The following ARHGEF38 variants were observed in gnomAD, a reference collection of about 807,000 sequenced individuals.
ARHGEF38 encodes the protein Rho guanine nucleotide exchange factor 38, also known as Rho guanine nucleotide exchange factor (GEF) 38.
In ARHGEF38, 79 loss-of-function variants were observed where a neutral mutation model predicts 79.9. That is an observed-to-expected ratio of 0.99 (90% CI 0.82 to 1.19). The LOEUF is 1.19. Ranked by LOEUF, ARHGEF38 falls within the 50% of genes most tolerant of loss-of-function variation. The pLI is 0.00. For missense variants in ARHGEF38, 962 were observed against 907.2 expected, an observed-to-expected ratio of 1.06 and a Z score of -0.78; for synonymous variants, 366 against 328.3, an observed-to-expected ratio of 1.11 and a Z score of -1.24.
At position 105,647,158 on chromosome 4, in the gene ARHGEF38, A is replaced by G. The variant is rs983861917; in HGVS notation, c.875-1391A>G. On this transcript the variant is annotated intron_variant, in intron 6 of 13. Coordinates refer to ENST00000420470, the MANE Select transcript of ARHGEF38 (RefSeq NM_001242729.2). ...TTATATTTTTCTGTTTGCTTAAACT[A>G]TTTCAAAGTTTTGAAGAGTAAAATT... 2.6e-5 allele frequency among the ~76,000 whole-genome samples: 4 copies of G among 152,146 alleles called. No homozygotes were observed. In the South Asian group the frequency reaches 6.2e-4, roughly 24 times the overall value.
rs760382342 is a variant in ARHGEF38, at chr4:105,654,042, A to G, written c.1009-23A>G. On this transcript the variant is annotated intron_variant, in intron 7 of 13. Transcript: ENST00000420470. Reference sequence around the variant, plus strand: ...AATATCTGTTTCATTTGAGTTATGAAAATAATTTCATATATATTTTAGGTT... The same window carrying G: ...AATATCTGTTTCATTTGAGTTATGAGAATAATTTCATATATATTTTAGGTT... 17 of 1,321,216 alleles carry G rather than the reference A, an allele frequency of 1.3e-5. No homozygotes were observed. In the South Asian group the frequency reaches 1.6e-4, roughly 13 times the overall value. The allele number at this position is 1,321,216 out of a possible 1,614,324, so 81.8% of individuals were successfully genotyped here.
intron 13 of ARHGEF38, among the ~76,000 whole-genome samples, chr4:105,671,358 A>T (rs1276485337): frequency 1.3e-5 from 2 of 152,180 alleles, no homozygotes; most frequent in African/African-American, 2.4e-5. Flanking sequence ...GAGGAAGAGG[A>T]TGCACCTGTT....
chr4:105,682,250 A>T (rs918981830), downstream of ARHGEF38, among the ~76,000 whole-genome samples: 1 of 152,214 alleles, frequency 6.6e-6, no homozygotes, highest in African/African-American at 2.4e-5. Context: ...ATAATGAAAA[A>T]ATAATTTTGA....
At chr4:105,636,346 A>G (rs1729397796) in intron 4 of ARHGEF38, 57 bp from the exon 5 acceptor site, 1 of 308,228 alleles carries the variant, frequency 3.2e-6, no homozygotes, top group Non-Finnish European at 5.3e-6. Flanking sequence ...TAATGTTTGT[A>G]TATTACCTTA....
Position 105,648,619 on chromosome 4 carries a change from A to T in ARHGEF38, c.945A>T (p.Ser315=), listed in dbSNP as rs768843533. ...AATTGTCTAAACTAAATATTCATTC[A>T]ATTAGCAAGAAATCAAAAAGAGTGA... The part of the protein sequence containing the change: ...KDKLSKLNIH[S]ISKKSKRVTN... Residue 315 remains serine, a synonymous_variant, in exon 7 of 14, where the codon TCA becomes TCT. Transcript: ENST00000420470. The T allele has an allele frequency of 9.8e-6, 15 of 1,533,420 alleles. No individual in the cohort carries two copies. The highest frequency in any genetic ancestry group is 8.4e-5 in the South Asian group (7 of 83,504). 95.0% of individuals were successfully genotyped at this position (1,533,420 alleles called of 1,614,324 possible). A position where few individuals can be genotyped will look rare whatever the true frequency, so the allele number is the denominator to read the frequency against.
At chr4:105,614,970 T>C (rs1728453295) in intron 3 of ARHGEF38, among the ~76,000 whole-genome samples, 1 of 152,168 alleles carries the variant, frequency 6.6e-6, no homozygotes, top group Non-Finnish European at 1.5e-5. Context: ...AAAACATTTC[T>C]AGATGGAAAC....
At chr4:105,566,610 A>T (rs1481430910) in intron 1 of ARHGEF38, among the ~76,000 whole-genome samples, 1 of 151,816 alleles carries the variant, frequency 6.6e-6, no homozygotes, top group Non-Finnish European at 1.5e-5. Context: ...CAATTAAATT[A>T]TTTTTTTATT....
At chr4:105,626,873 G>A (rs1029299033) in intron 3 of ARHGEF38, among the ~76,000 whole-genome samples, 2 of 151,148 alleles carry the variant, frequency 1.3e-5, no homozygotes, top group African/African-American at 4.9e-5. Flanking sequence ...TCACAGACAT[G>A]GTCCCATCCA....
rs1289577102 is a variant in ARHGEF38, at chr4:105,573,795, TCTGTAAATCA to T, written c.197-15450_197-15441del. 8.5e-5 allele frequency among the ~76,000 whole-genome samples: 13 copies of T among 152,190 alleles called. No homozygotes were observed. The South Asian group carries it at 1.0e-3, about 12-fold the overall frequency. ...GAATTTTGATAAAGATTGCATAGAA[TCTGTAAATCA>T]CTTTGGGTAGTATTGACGGCTTAAC... On this transcript the variant is annotated intron_variant, in intron 1 of 13. Coordinates refer to ENST00000420470, the MANE Select transcript of ARHGEF38 (RefSeq NM_001242729.2).
Position 105,678,144 on chromosome 4 carries a change from C to A in ARHGEF38, c.*207C>A. On this transcript the variant is annotated 3_prime_UTR_variant, in exon 14 of 14. Coordinates refer to ENST00000420470, the MANE Select transcript of ARHGEF38 (RefSeq NM_001242729.2). ...GATACATGTTGAAAGAAATACTAAG[C>A]CAACAGAAATAGCAAAGCAAATGAC... 2.5e-6 allele frequency: 1 copy of A among 396,532 alleles called. No individual in the cohort carries two copies. The allele number at this position is 396,532 out of a possible 1,614,324, so 24.6% of individuals were successfully genotyped here.
intron 2 of ARHGEF38, among the ~76,000 whole-genome samples, chr4:105,594,509 G>A (rs1188314899): frequency 7.2e-5 from 11 of 152,166 alleles, no homozygotes; most frequent in Admixed American, 2.6e-4. Flanking sequence ...GGGTATCATC[G>A]GATTCATCAT....
In ARHGEF38 at chr4:105,613,467, A is replaced by G. The variant is rs1291910566; in HGVS notation, c.468A>G (p.Glu156=). The change falls in exon 3 of 14, where the codon GAA becomes GAG. Residue 156 remains glutamate, a synonymous_variant. Coordinates refer to ENST00000420470, the MANE Select transcript of ARHGEF38 (RefSeq NM_001242729.2). The part of the protein sequence containing the change: ...QISAKLLSLL[E]EATTDVEPAM... Reference sequence around the variant, plus strand: ...CAGCCAAGCTGCTGTCATTGTTGGAAGAGGCCACAACAGACGTGGAACCGG... The same window carrying G: ...CAGCCAAGCTGCTGTCATTGTTGGAGGAGGCCACAACAGACGTGGAACCGG... The G allele has an allele frequency of 6.2e-7, 1 of 1,613,432 alleles. No individual in the cohort carries two copies. The highest frequency in any genetic ancestry group is 1.3e-5 in the African/African-American group (1 of 75,014).
At chr4:105,585,774 C>G (rs1727012648) in intron 1 of ARHGEF38, among the ~76,000 whole-genome samples, 1 of 108,888 alleles carries the variant, frequency 9.2e-6, no homozygotes. Flanking sequence ...TTCTGTCACC[C>G]AGGCTGAAGT....
At chr4:105,651,721 C>T (rs559936751) in intron 7 of ARHGEF38, among the ~76,000 whole-genome samples, 2 of 152,152 alleles carry the variant, frequency 1.3e-5, no homozygotes, top group Non-Finnish European at 2.9e-5. Context: ...GTGCCATTAT[C>T]ATAGCTCGCT....
chr4:105,619,360 T>A (rs1223596571), intron 3 of ARHGEF38, among the ~76,000 whole-genome samples: 1 of 151,876 alleles, frequency 6.6e-6, no homozygotes, highest in Admixed American at 6.6e-5. Context: ...GCTGGCCAGC[T>A]GGCCCCCAGC....
chr4:105,553,905 C>T (rs1056822601), intron 1 of ARHGEF38, among the ~76,000 whole-genome samples: 3 of 151,968 alleles, frequency 2.0e-5, no homozygotes, highest in Non-Finnish European at 2.9e-5. Flanking sequence ...TCAGAAAGAC[C>T]GATAGGACAT....
rs978013731 is a variant in ARHGEF38, at chr4:105,574,435, C to T, written c.197-14813C>T. The stretch of plus-strand genomic sequence containing the variant: ...GCATGGTTGTAGGCACCTGTAATCC[C>T]AGCTACTTGGAGGCTGAGGCAGGAA... On this transcript the variant is annotated intron_variant, in intron 1 of 13. Transcript: ENST00000420470. 4.6e-5 allele frequency among the ~76,000 whole-genome samples: 7 copies of T among 151,764 alleles called. No homozygotes were observed. The East Asian group carries it at 1.2e-3, about 25-fold the overall frequency.
chr4:105,636,820 T>C (rs533883171), intron 5 of ARHGEF38, among the ~76,000 whole-genome samples: 4 of 152,266 alleles, frequency 2.6e-5, no homozygotes, highest in African/African-American at 7.2e-5. Flanking sequence ...AAGAAAAGAT[T>C]ATTTTATGAA....
At chr4:105,591,086 T>G (rs975816761) in intron 2 of ARHGEF38, among the ~76,000 whole-genome samples, 5 of 152,192 alleles carry the variant, frequency 3.3e-5, no homozygotes, top group African/African-American at 9.6e-5. Flanking sequence ...TTTAGTCAAA[T>G]ATATCCAACT....
Sources: allele counts gnomAD v4.1 joint callset (sites outside exome capture counted in the v4.1 genomes callset), GRCh38; gene constraint gnomAD v4.1.1; transcripts MANE v1.5; gene names NCBI Gene and HGNC (gene_info 2026-07-23, HGNC 2026-07-21).